Variants in ROR1 observed in about 807,000 individuals in gnomAD.
ROR1 encodes ROR family WNT receptor 1, also known as inactive tyrosine-protein kinase transmembrane receptor ROR1.
ROR1 carries 19 observed loss-of-function variants against 78.8 expected under a neutral mutation model. The ratio of observed to expected loss-of-function variants is 0.24; its 90% CI spans 0.17 to 0.35. The LOEUF (loss-of-function observed/expected upper bound fraction) is 0.35, where lower values mean the gene tolerates loss of function less well. ROR1 is among the 10% of genes least tolerant of loss of function. The pLI, the probability that ROR1 is intolerant of heterozygous loss-of-function variation, is 1.00. For synonymous variants in ROR1, 386 were observed against 433.6 expected, an observed-to-expected ratio of 0.89 and a Z score of 1.36; for missense variants, 917 against 1,177.8, an observed-to-expected ratio of 0.78 and a Z score of 3.24.
intron 2 of ROR1, among the ~76,000 whole-genome samples, chr1:64,043,026 A>G (rs1016521990): frequency 8.5e-5 from 13 of 152,210 alleles, no homozygotes; most frequent in Admixed American, 6.5e-5. Context: ...TTTTGATACC[A>G]AGACCCAGGC....
intron 1 of ROR1, among the ~76,000 whole-genome samples, chr1:63,836,974 C>T (rs59664077): frequency 6.6e-6 from 1 of 152,248 alleles, no homozygotes; most frequent in African/African-American, 2.4e-5. Context: ...ATCAAGACAT[C>T]GGTTCCCTGT....
intron 4 of ROR1, among the ~76,000 whole-genome samples, chr1:64,067,749 G>A (rs1252142370): frequency 8.4e-6 from 1 of 118,774 alleles, no homozygotes; most frequent in East Asian, 2.3e-4. Flanking sequence ...GTCTCGCTCT[G>A]TCACCGAGGC....
chr1:64,107,927 TTTGGCTC>T (rs1647892637), intron 4 of ROR1, among the ~76,000 whole-genome samples: 1 of 152,112 alleles, frequency 6.6e-6, no homozygotes, highest in African/African-American at 2.4e-5. Context: ...GTGGTCAGAG[TTTGGCTC>T]TGCATTAAAT....
intron 8 of ROR1, among the ~76,000 whole-genome samples, chr1:64,173,886 C>T (rs1650308695): frequency 6.6e-6 from 1 of 152,152 alleles, no homozygotes; most frequent in South Asian, 2.1e-4. Flanking sequence ...TTGCCTTCAC[C>T]TTCATTCACA....
chr1:64,080,509 T>C (rs1185829196), intron 4 of ROR1, among the ~76,000 whole-genome samples: 1 of 152,226 alleles, frequency 6.6e-6, no homozygotes, highest in Non-Finnish European at 1.5e-5. Context: ...TGTTGTGTGG[T>C]TGAATACTCT....
At chr1:63,884,492 T>G (rs1645343882) in intron 1 of ROR1, among the ~76,000 whole-genome samples, 2 of 152,168 alleles carry the variant, frequency 1.3e-5, no homozygotes, top group African/African-American at 4.8e-5. Context: ...AACAAAGGAC[T>G]AAAGAGGTGA....
chr1:64,003,756 A>G (rs1333843630), intron 1 of ROR1, among the ~76,000 whole-genome samples: 3 of 152,236 alleles, frequency 2.0e-5, no homozygotes, highest in African/African-American at 7.2e-5. Context: ...TACTTTTCCA[A>G]ACAGGCGCCT....
intron 1 of ROR1, among the ~76,000 whole-genome samples, chr1:63,938,963 A>G (rs1645815330): frequency 6.6e-6 from 1 of 152,222 alleles, no homozygotes; most frequent in African/African-American, 2.4e-5. Flanking sequence ...GTGCCACCGC[A>G]CTGCAGCTTG....
intron 4 of ROR1, among the ~76,000 whole-genome samples, chr1:64,070,508 T>C (rs1646994792): frequency 1.3e-5 from 2 of 152,116 alleles, no homozygotes; most frequent in Admixed American, 6.6e-5. Context: ...TTTATAGAGA[T>C]GGGATCCCAC....
At chr1:64,054,962 T>C (rs1646862629) in intron 4 of ROR1, among the ~76,000 whole-genome samples, 1 of 152,216 alleles carries the variant, frequency 6.6e-6, no homozygotes, top group Non-Finnish European at 1.5e-5. Context: ...GTTCACATGA[T>C]AGTCTTCCTA....
chr1:63,843,460 CTGGCAGCATCCTGACAAAGG>C (rs1645061766), intron 1 of ROR1: 1 of 754,470 alleles, frequency 1.3e-6, no homozygotes, highest in Non-Finnish European at 2.4e-6. Flanking sequence ...CAGTCCTTAT[CTGGCAGCATCCTGACAAAGG>C]TGGTGTAGGG....
In ROR1 at chr1:63,774,258, C is replaced by G; in HGVS notation, c.-160C>G. The G allele has an allele frequency of 3.2e-6, 1 of 312,490 alleles. No homozygotes were observed. 19.4% of individuals were successfully genotyped at this position (312,490 alleles called of 1,614,324 possible). On this transcript the variant is annotated 5_prime_UTR_variant, in exon 1 of 9. Coordinates refer to ENST00000371079, the MANE Select transcript of ROR1 (RefSeq NM_005012.4). This position sits in a 1 kb window ranked among gnomAD's most constrained non-coding sequence, Gnocchi z 5.7. ...GCATCCAGAGGCGGCCAGGCGGAGGCGAGGGAGCAGGTTAGAGGGACAAAG... is the reference window on the plus strand; with the variant it reads ...GCATCCAGAGGCGGCCAGGCGGAGGGGAGGGAGCAGGTTAGAGGGACAAAG...
chr1:64,002,315 G>A (rs939628277), intron 1 of ROR1, among the ~76,000 whole-genome samples: 1 of 151,996 alleles, frequency 6.6e-6, no homozygotes, highest in Non-Finnish European at 1.5e-5. Flanking sequence ...TGTATTTTCA[G>A]TAGAGACGGG....
In ROR1 at chr1:63,935,023, AT is replaced by A. The variant is rs11376470; in HGVS notation, c.92-74264del. On this transcript the variant is annotated intron_variant, in intron 1 of 8. Coordinates refer to ENST00000371079, the MANE Select transcript of ROR1 (RefSeq NM_005012.4). ...CTCCAGCTCTGTTTGATTTGGGAGA[AT>A]TTTTTTTTTTTTTTTTTGGGTAGAG... is the stretch of plus-strand genomic sequence containing the variant. 3.1e-3 allele frequency among the ~76,000 whole-genome samples: 430 copies of A among 140,178 alleles called. 2 individuals are homozygous for A. The highest frequency in any genetic ancestry group is 3.8e-3 in the Middle Eastern group (1 of 266). The allele number at this position is 140,178 out of a possible 152,430, so 92.0% of individuals were successfully genotyped here. A position where few individuals can be genotyped will look rare whatever the true frequency, so the allele number is the denominator to read the frequency against.
At chr1:64,144,683 A>C (rs1649428198) in intron 7 of ROR1, among the ~76,000 whole-genome samples, 1 of 152,222 alleles carries the variant, frequency 6.6e-6, no homozygotes, top group African/African-American at 2.4e-5. Flanking sequence ...ACACTCAGCT[A>C]TCAGTGACTG....
chr1:64,180,862 T>G lies in ROR1; in HGVS notation c.*2007T>G, dbSNP rs961493082. ...AAATACCTACTCTGGTAAAACATTATTATGGTTAAAAAGTAAATTCAAGTT... is the reference window on the plus strand; with the variant it reads ...AAATACCTACTCTGGTAAAACATTAGTATGGTTAAAAAGTAAATTCAAGTT... On this transcript the variant is annotated 3_prime_UTR_variant, in exon 9 of 9. Transcript: ENST00000371079. 14 of 152,164 alleles carry G rather than the reference T, an allele frequency of 9.2e-5. No homozygotes were observed. Among genetic ancestry groups the G allele is most frequent in the African/African-American group, 3.4e-4 (14 of 41,464 alleles). 9.4% of individuals were successfully genotyped at this position (152,164 alleles called of 1,614,324 possible).
intron 7 of ROR1, among the ~76,000 whole-genome samples, chr1:64,151,738 G>A (rs1649629983): frequency 6.7e-6 from 1 of 149,922 alleles, no homozygotes; most frequent in Non-Finnish European, 1.5e-5. Flanking sequence ...AAAAAAATTA[G>A]CCGGGTGTGG....
intron 1 of ROR1, among the ~76,000 whole-genome samples, chr1:63,918,494 G>A (rs377719730): frequency 2.2e-4 from 33 of 152,292 alleles, no homozygotes; most frequent in Middle Eastern, 3.4e-3. Context: ...AGAACGGGGC[G>A]TGGTACTCTC....
chr1:63,806,959 C>G (rs1644833773), intron 1 of ROR1, among the ~76,000 whole-genome samples: 1 of 152,110 alleles, frequency 6.6e-6, no homozygotes, highest in Admixed American at 6.6e-5. Context: ...AGGCATGGTA[C>G]TGGGTTCTTT....
Sources: allele counts gnomAD v4.1 joint callset (sites outside exome capture counted in the v4.1 genomes callset), GRCh38; gene constraint gnomAD v4.1.1; non-coding constraint Gnocchi (gnomAD v3.1); transcripts MANE v1.5; gene names NCBI Gene and HGNC (gene_info 2026-07-23, HGNC 2026-07-21).